Variants in SQLE observed in about 807,000 individuals in gnomAD.
The protein encoded by SQLE is squalene epoxidase.
Under a neutral mutation model 60.7 loss-of-function variants are expected in SQLE, and 29 were observed. The ratio of observed to expected loss-of-function variants is 0.48; its 90% CI spans 0.36 to 0.65. The LOEUF (loss-of-function observed/expected upper bound fraction) is 0.65, where lower values mean the gene tolerates loss of function less well. Ranked by LOEUF, SQLE falls within the 30% of genes least tolerant of loss-of-function variation. SQLE has a pLI of 0.00. For synonymous variants in SQLE, 237 were observed against 246.8 expected, an observed-to-expected ratio of 0.96 and a Z score of 0.37; for missense variants, 605 against 684.1, an observed-to-expected ratio of 0.88 and a Z score of 1.29.
At chr8:125,019,660 ATAG>A (rs1815170971) in intron 9 of SQLE, among the ~76,000 whole-genome samples, 1 of 152,234 alleles carries the variant, frequency 6.6e-6, no homozygotes, top group African/African-American at 2.4e-5. Context: ...CATCAGTTTA[ATAG>A]TAGGTTAATG....
In SQLE at chr8:125,007,468, A is replaced by G. The variant is rs1374197517; in HGVS notation, c.803A>G (p.Lys268Arg). 6.5e-7 allele frequency: 1 copy of G among 1,548,526 alleles called. No individual in the cohort carries two copies. The highest frequency in any genetic ancestry group is 1.2e-5 in the South Asian group (1 of 83,172). Residue 268 changes from lysine to arginine, a missense_variant, in exon 4 of 11, where the codon AAA becomes AGA. Lys to Arg is a conservative substitution (Grantham distance 26, BLOSUM62 2). Transcript: ENST00000265896. ...GTGATGGGAGTTCAGTACAAGGATA[A>G]AGAGACTGGAGATATCAAGGTGAGA... ...DVVMGVQYKD[K>R]ETGDIKELHA...
At position 125,018,058 on chromosome 8, in the gene SQLE, G is replaced by A; in HGVS notation, c.1205-1G>A. On this transcript the variant is annotated splice_acceptor_variant, in intron 7 of 10. Transcript: ENST00000265896. LOFTEE classifies it high-confidence loss of function. ...AAAATCTTCATTACCTCTCTTCATAGGTGTTCTTCTTTTGGGAGACGCATA... is the reference window on the plus strand; with the variant it reads ...AAAATCTTCATTACCTCTCTTCATAAGTGTTCTTCTTTTGGGAGACGCATA... 1 of 1,613,060 alleles carries A rather than the reference G, an allele frequency of 6.2e-7. No homozygotes were observed. The highest frequency in any genetic ancestry group is 2.2e-5 in the East Asian group (1 of 44,852).
intron 7 of SQLE, 105 bp downstream of exon 7, chr8:125,011,737 C>T (rs1300557366): frequency 1.0e-6 from 1 of 1,000,706 alleles, no homozygotes; most frequent in South Asian, 1.5e-5. Context: ...GATAGTTTGT[C>T]ACTGTGGATT....
chr8:125,011,472 A>G (rs1164681453), intron 6 of SQLE, 65 bp from the exon 7 acceptor site: 5 of 1,313,182 alleles, frequency 3.8e-6, no homozygotes, highest in Non-Finnish European at 5.3e-6. Flanking sequence ...TGATAAGAAA[A>G]TATGTGATAC....
Position 124,999,321 on chromosome 8 carries a change from T to A in SQLE, c.-83T>A, listed in dbSNP as rs918924490. ...GGCCGGCTCTCCGTGCTCCTCTTGG[T>A]ACCTCATTTTGGGGAGAACCTTAAA... On this transcript the variant is annotated 5_prime_UTR_variant, in exon 1 of 11. Coordinates refer to ENST00000265896, the MANE Select transcript of SQLE (RefSeq NM_003129.4). 3.6e-5 allele frequency: 49 copies of A among 1,363,334 alleles called. No individual in the cohort carries two copies. Among genetic ancestry groups the A allele is most frequent in the Non-Finnish European group, 4.1e-5 (43 of 1,046,842 alleles). The allele number at this position is 1,363,334 out of a possible 1,614,324, so 84.5% of individuals were successfully genotyped here.
Position 125,005,648 on chromosome 8 carries a change from C to T in SQLE, c.668C>T (p.Ala223Val), listed in dbSNP as rs1814935416. ...SENNQVQSGRAFHHGRFIMSL... is the reference protein window; with the variant it reads ...SENNQVQSGRVFHHGRFIMSL... ...AACAATCAAGTGCAGAGTGGAAGAG[C>T]TTTCCATCACGGAAGATTCATCATG... Residue 223 changes from alanine (A) to valine (V), a missense_variant, in exon 3 of 11, where the codon GCT becomes GTT. By Grantham distance (64) the Ala-to-Val change is moderately conservative. Transcript: ENST00000265896. 20 of 1,607,920 alleles carry T rather than the reference C, an allele frequency of 1.2e-5. No homozygotes were observed. The highest frequency in any genetic ancestry group is 1.7e-5 in the Non-Finnish European group (20 of 1,176,008).
intron 7 of SQLE, among the ~76,000 whole-genome samples, chr8:125,014,994 T>C (rs188602025): frequency 6.6e-6 from 1 of 152,334 alleles, no homozygotes; most frequent in Non-Finnish European, 1.5e-5. Flanking sequence ...TATTCAGTGC[T>C]GAAGGTGGGG....
intron 3 of SQLE, among the ~76,000 whole-genome samples, chr8:125,006,766 G>T (rs1180203227): frequency 6.7e-6 from 1 of 148,730 alleles, no homozygotes; most frequent in Non-Finnish European, 1.5e-5. Flanking sequence ...GGGCAGTGTT[G>T]CAATCTCGGC....
In SQLE at chr8:125,016,662, G is replaced by C. The variant is rs1815115589; in HGVS notation, c.1205-1397G>C. Among the ~76,000 whole-genome samples the C allele has an allele frequency of 6.6e-6, 1 of 152,144 alleles. No individual in the cohort carries two copies. The highest frequency in any genetic ancestry group is 6.5e-5 in the Admixed American group (1 of 15,270). On this transcript the variant is annotated intron_variant, in intron 7 of 10. Coordinates refer to ENST00000265896, the MANE Select transcript of SQLE (RefSeq NM_003129.4). This position sits in a 1 kb window ranked among gnomAD's most constrained non-coding sequence, Gnocchi z 4.1. ...GTTTTCCTGGATGGTTTTGATGACT[G>C]TGGATGTTCACCAATGTCTGGGCAT... is the stretch of plus-strand genomic sequence containing the variant.
chr8:124,998,644 GA>G lies in SQLE; in HGVS notation c.-759del. On this transcript the variant is annotated 5_prime_UTR_variant, in exon 1 of 11. Coordinates refer to ENST00000265896, the MANE Select transcript of SQLE (RefSeq NM_003129.4). ...CGGGAGCCGCCGCCGCCATCTGAGG[GA>G]GGTACCCTGGAAACCACCTTTTATC... The G allele has an allele frequency of 1.5e-6, 1 of 676,218 alleles. No individual in the cohort carries two copies. The highest frequency in any genetic ancestry group is 2.7e-6 in the Non-Finnish European group (1 of 372,310). The allele number at this position is 676,218 out of a possible 1,614,324, so 41.9% of individuals were successfully genotyped here.
intron 4 of SQLE, among the ~76,000 whole-genome samples, chr8:125,007,995 A>G (rs907245643): frequency 1.3e-5 from 2 of 152,254 alleles, no homozygotes; most frequent in African/African-American, 4.8e-5. Context: ...GATTCAACAT[A>G]AAAGAAATGA....
chr8:125,005,600 A>G lies in SQLE; in HGVS notation c.620A>G (p.Gln207Arg), dbSNP rs1289618630. 3.1e-6 allele frequency: 5 copies of G among 1,612,462 alleles called. No individual in the cohort carries two copies. The highest frequency in any genetic ancestry group is 1.7e-5 in the Admixed American group (1 of 59,944). ...IHDQESKSEV[Q>R]IPYPLSENNQ... ...GATCAGGAAAGCAAATCAGAGGTTCAGATTCCTTACCCTCTGTCAGAAAAC... is the reference window on the plus strand; with the variant it reads ...GATCAGGAAAGCAAATCAGAGGTTCGGATTCCTTACCCTCTGTCAGAAAAC... Residue 207 changes from glutamine (Q) to arginine (R), a missense_variant, in exon 3 of 11, where the codon CAG becomes CGG. By Grantham distance (43) the Gln-to-Arg change is conservative. Transcript: ENST00000265896.
In SQLE at chr8:125,004,377, C is replaced by T. The variant is rs150425134; in HGVS notation, c.544+949C>T. On this transcript the variant is annotated intron_variant, in intron 2 of 10. Coordinates refer to ENST00000265896, the MANE Select transcript of SQLE (RefSeq NM_003129.4). Reference sequence around the variant, plus strand: ...TTATGTCTTTAGGATGAATTTCTTACATGGATTTCCAAGAGTAAGATTATT... The same window carrying T: ...TTATGTCTTTAGGATGAATTTCTTATATGGATTTCCAAGAGTAAGATTATT... Among the ~76,000 whole-genome samples, 434 of 152,190 alleles carry T rather than the reference C, an allele frequency of 2.9e-3. 3 individuals carry two copies. Among genetic ancestry groups the T allele is most frequent in the African/African-American group, 9.9e-3 (411 of 41,518 alleles).
At chr8:125,013,593 T>A (rs1467679678) in intron 7 of SQLE, among the ~76,000 whole-genome samples, 1 of 152,154 alleles carries the variant, frequency 6.6e-6, no homozygotes, top group Non-Finnish European at 1.5e-5. Context: ...CCTCAGGTGA[T>A]CCACCCACCT....
Position 125,011,583 on chromosome 8 carries a change from G to A in SQLE, c.1155G>A (p.Leu385=). The A allele has an allele frequency of 6.3e-7, 1 of 1,588,032 alleles. No homozygotes were observed. The highest frequency in any genetic ancestry group is 8.6e-7 in the Non-Finnish European group (1 of 1,165,584). ...TAGAAGCCACTGACAATTCTCATCT[G>A]AGGTCCATGCCAGCAAGCTTCCTTC... is the stretch of plus-strand genomic sequence containing the variant. The part of the protein sequence containing the change: ...PFLEATDNSH[L]RSMPASFLPP... The change falls in exon 7 of 11, where the codon CTG becomes CTA. Residue 385 remains leucine, a synonymous_variant. Transcript: ENST00000265896.
chr8:125,011,007 G>A (rs1815032053), intron 6 of SQLE: 1 of 152,114 alleles, frequency 6.6e-6, no homozygotes, highest in African/African-American at 2.4e-5. Flanking sequence ...TTTAAAGCTT[G>A]TTTGGAAGTA....
At chr8:125,015,213 CTA>C (rs1252459940) in intron 7 of SQLE, among the ~76,000 whole-genome samples, 1 of 152,090 alleles carries the variant, frequency 6.6e-6, no homozygotes, top group Non-Finnish European at 1.5e-5. Flanking sequence ...GTAAATATCA[CTA>C]TGCTCTTTTT....
intron 7 of SQLE, among the ~76,000 whole-genome samples, chr8:125,013,209 C>A (rs1260425746): frequency 6.6e-6 from 1 of 151,956 alleles, no homozygotes; most frequent in Non-Finnish European, 1.5e-5. Context: ...GTTTTCTTTC[C>A]ATTCTTCTTA....
chr8:125,003,110 A>G lies in SQLE; in HGVS notation c.292-66A>G, dbSNP rs915505025. ...GGATGCAAAAGTCCAGTGTGTCCAC[A>G]TAGCGGTAGCATGATTTGAATCTAA... On this transcript the variant is annotated intron_variant, in intron 1 of 10. Transcript: ENST00000265896. The G allele has an allele frequency of 5.4e-6, 8 of 1,468,872 alleles. No individual in the cohort carries two copies. The African/African-American group carries it at 8.5e-5, about 16-fold the overall frequency. 91.0% of individuals were successfully genotyped at this position (1,468,872 alleles called of 1,614,324 possible). A position where few individuals can be genotyped will look rare whatever the true frequency, so the allele number is the denominator to read the frequency against.
Sources: gnomAD v4.1 joint callset for allele counts (sites outside exome capture counted in the v4.1 genomes callset) on GRCh38, gnomAD v4.1.1 for gene constraint, Gnocchi (gnomAD v3.1) non-coding constraint, MANE v1.5 for transcripts, NCBI Gene and HGNC (gene_info 2026-07-23, HGNC 2026-07-21) for gene names.